Variants in FBXL19 observed in about 807,000 individuals in gnomAD.
The protein encoded by FBXL19 is F-box and leucine rich repeat protein 19, also known as F-box/LRR-repeat protein 19.
In FBXL19, 16 loss-of-function variants were observed where a neutral mutation model predicts 71.2. The ratio of observed to expected loss-of-function variants is 0.22; its 90% CI spans 0.15 to 0.34. FBXL19 has a LOEUF of 0.34. Ranked by LOEUF, FBXL19 falls within the 10% of genes least tolerant of loss-of-function variation. The pLI, the probability that FBXL19 is intolerant of heterozygous loss-of-function variation, is 1.00. For synonymous variants in FBXL19, 447 were observed against 409.4 expected, an observed-to-expected ratio of 1.09 and a Z score of -1.11; for missense variants, 658 against 968.2, an observed-to-expected ratio of 0.68 and a Z score of 4.25.
At chr16:30,939,621 T>G (rs908008811) in intron 7 of FBXL19, among the ~76,000 whole-genome samples, 17 of 151,644 alleles carry the variant, frequency 1.1e-4, no homozygotes, top group African/African-American at 3.9e-4. Flanking sequence ...GGTTTCACTG[T>G]GTTAGCCTGG....
intron 7 of FBXL19, among the ~76,000 whole-genome samples, chr16:30,935,449 G>C (rs139584712): frequency 1.3e-5 from 2 of 152,210 alleles, no homozygotes; most frequent in African/African-American, 4.8e-5. Context: ...AGAGTGAAGA[G>C]TGAAGAGTGG....
intron 7 of FBXL19, among the ~76,000 whole-genome samples, chr16:30,934,241 G>A (rs1226682501): frequency 1.3e-5 from 2 of 151,912 alleles, no homozygotes; most frequent in South Asian, 4.2e-4. Flanking sequence ...GCATACATCT[G>A]TAGTTCAGCT....
intron 5 of FBXL19, 125 bp downstream of exon 5, chr16:30,928,088 A>G: frequency 1.8e-6 from 1 of 551,656 alleles, no homozygotes. Flanking sequence ...GACTGTTGGG[A>G]GATGTAGTTC....
chr16:30,935,649 A>T (rs1463984116), intron 7 of FBXL19, among the ~76,000 whole-genome samples: 1 of 152,038 alleles, frequency 6.6e-6, no homozygotes, highest in Non-Finnish European at 1.5e-5. Context: ...GAGCTACAAG[A>T]GGTCGGAACT....
chr16:30,925,853 C>T lies in FBXL19; in HGVS notation c.99C>T (p.Cys33=), dbSNP rs756627519. 23 of 1,508,548 alleles carry T rather than the reference C, an allele frequency of 1.5e-5. No individual in the cohort carries two copies. Among genetic ancestry groups the T allele is most frequent in the Admixed American group, 2.4e-5 (1 of 41,384 alleles). 93.4% of individuals were successfully genotyped at this position (1,508,548 alleles called of 1,614,324 possible). The change falls in exon 2 of 11, where the codon TGC becomes TGT. Residue 33 remains cysteine (C), a synonymous_variant. Coordinates refer to ENST00000338343, the MANE Select transcript of FBXL19 (RefSeq NM_001382779.1). This position sits in a 1 kb window ranked among gnomAD's most constrained non-coding sequence, Gnocchi z 5.0. ...RACVRTECGD[C]HFCRDMKKFG... Reference sequence around the variant, plus strand: ...GTGTGCGAACTGAGTGCGGGGATTGCCACTTCTGCCGAGACATGAAGAAGT... The same window carrying T: ...GTGTGCGAACTGAGTGCGGGGATTGTCACTTCTGCCGAGACATGAAGAAGT...
chr16:30,942,371 G>C lies in FBXL19; in HGVS notation c.1466-4G>C. On this transcript the variant is annotated splice_polypyrimidine_tract_variant and splice_region_variant and intron_variant, in intron 8 of 10. Coordinates refer to ENST00000338343, the MANE Select transcript of FBXL19 (RefSeq NM_001382779.1). This position sits in a 1 kb window ranked among gnomAD's most constrained non-coding sequence, Gnocchi z 5.7. ...CCTGCTTCCTGACTGCCCCCTCTCC[G>C]CAGGCCTGCAGGAGCTGGTGCTCTC... The C allele has an allele frequency of 1.0e-5, 16 of 1,607,846 alleles. No homozygotes were observed. Among genetic ancestry groups the C allele is most frequent in the Non-Finnish European group, 1.4e-5 (16 of 1,177,064 alleles).
rs940215960 is a variant in FBXL19 at position 30,925,132 on chromosome 16, C to G, written c.-24-599C>G. Among the ~76,000 whole-genome samples the G allele has an allele frequency of 1.3e-5, 2 of 151,564 alleles. No individual in the cohort carries two copies. The highest frequency in any genetic ancestry group is 3.4e-3 in the Middle Eastern group (1 of 294). On this transcript the variant is annotated intron_variant, in intron 1 of 10. Transcript: ENST00000338343. This position sits in a 1 kb window ranked among gnomAD's most constrained non-coding sequence, Gnocchi z 5.0. ...TGGGGAGTTAGTGGGCAGAGGAGAT[C>G]GTTAGGGACTTGGGGGCAAGGATCT...
Position 30,927,891 on chromosome 16 carries a change from G to T in FBXL19, c.555G>T (p.Pro185=). 6.5e-7 allele frequency: 1 copy of T among 1,534,726 alleles called. No homozygotes were observed. Among genetic ancestry groups the T allele is most frequent in the East Asian group, 2.4e-5 (1 of 41,648 alleles). ...RKGPLPAGPP[P]EDVPGPPKRK... The stretch of plus-strand genomic sequence containing the variant: ...GCCCCCTGCCTGCCGGGCCCCCCCC[G>T]GAGGACGTGCCTGGGCCCCCCAAAC... Residue 185 remains proline, a synonymous_variant, in exon 5 of 11, where the codon CCG becomes CCT. Coordinates refer to ENST00000338343, the MANE Select transcript of FBXL19 (RefSeq NM_001382779.1).
Position 30,928,456 on chromosome 16 carries a change from C to A in FBXL19, c.628-11C>A. 1 of 1,561,206 alleles carries A rather than the reference C, an allele frequency of 6.4e-7. No homozygotes were observed. The highest frequency in any genetic ancestry group is 8.7e-7 in the Non-Finnish European group (1 of 1,153,068). ...TCTCCCTTCCTCCATATCTCCCTCT[C>A]ACCCTGGTAGGTGAAAGGAGGCCGA... On this transcript the variant is annotated splice_polypyrimidine_tract_variant and intron_variant, in intron 5 of 10. Coordinates refer to ENST00000338343, the MANE Select transcript of FBXL19 (RefSeq NM_001382779.1).
chr16:30,933,504 C>T (rs1002111976), intron 7 of FBXL19, among the ~76,000 whole-genome samples: 1 of 151,644 alleles, frequency 6.6e-6, no homozygotes, highest in South Asian at 2.1e-4. Context: ...GGCTGGAGTA[C>T]AGTGGTGCAG....
chr16:30,934,143 T>A (rs1343304824), intron 7 of FBXL19, among the ~76,000 whole-genome samples: 1 of 151,548 alleles, frequency 6.6e-6, no homozygotes, highest in Non-Finnish European at 1.5e-5. Flanking sequence ...GACGGGCGGA[T>A]CACTTGTCAG....
Position 30,946,197 on chromosome 16 carries a change from T to A in FBXL19, c.1628-533T>A, listed in dbSNP as rs989732802. 1.3e-5 allele frequency among the ~76,000 whole-genome samples: 2 copies of A among 151,922 alleles called. No homozygotes were observed. The highest frequency in any genetic ancestry group is 2.9e-5 in the Non-Finnish European group (2 of 67,980). On this transcript the variant is annotated intron_variant, in intron 9 of 10. Coordinates refer to ENST00000338343, the MANE Select transcript of FBXL19 (RefSeq NM_001382779.1). This position sits in a 1 kb window ranked among gnomAD's most constrained non-coding sequence, Gnocchi z 6.7. Reference sequence around the variant, plus strand: ...AGAGAGGAGGGGAGGTCACAGACTCTTTTATTTATTTATTTATTTATTTTG... The same window carrying A: ...AGAGAGGAGGGGAGGTCACAGACTCATTTATTTATTTATTTATTTATTTTG...
rs1242523322 is a variant in FBXL19, at chr16:30,930,387, A to C, written c.1104A>C (p.Pro368=). Residue 368 remains proline (P), a synonymous_variant, in exon 7 of 11, where the codon CCA becomes CCC. Transcript: ENST00000338343. This position sits in a 1 kb window ranked among gnomAD's most constrained non-coding sequence, Gnocchi z 8.5. The stretch of plus-strand genomic sequence containing the variant: ...CCCTACTCAGCTGGCCCCTGGGCCC[A>C]GCCCCACCACCCCGGCCTCCACAGC... ...GGPLLSWPLG[P]APPPRPPQLE... The C allele has an allele frequency of 1.3e-6, 2 of 1,539,444 alleles. No homozygotes were observed. Among genetic ancestry groups the C allele is most frequent in the African/African-American group, 2.7e-5 (2 of 73,192 alleles).
intron 7 of FBXL19, among the ~76,000 whole-genome samples, chr16:30,934,818 T>C (rs1480201901): frequency 6.6e-6 from 1 of 152,174 alleles, no homozygotes; most frequent in Non-Finnish European, 1.5e-5. Context: ...CTCAGATGAC[T>C]GACGTGTGTG....
At chr16:30,928,945 C>T (rs2143320847) in intron 6 of FBXL19, among the ~76,000 whole-genome samples, 1 of 152,358 alleles carries the variant, frequency 6.6e-6, no homozygotes, top group East Asian at 1.9e-4. Context: ...GCTTGTCAGC[C>T]ACCCTGAGCC....
chr16:30,947,228 T>C lies in FBXL19; in HGVS notation c.2023T>C (p.Ter675GlnextTer36). The C allele has an allele frequency of 6.3e-7, 1 of 1,578,760 alleles. No individual in the cohort carries two copies. Among genetic ancestry groups the C allele is most frequent in the Non-Finnish European group, 8.6e-7 (1 of 1,167,422 alleles). Residue 675 changes from the stop codon to glutamine (Q), a stop_lost, in exon 11 of 11, where the codon TAG (stop) becomes CAG (glutamine). Transcript: ENST00000338343. ...PEEKLLLKDS[*>Q] ...GGAGAAGCTGCTTCTCAAGGACAGC[T>C]AGTTGGGCGCCCCCCACCCTCCCCC...
In FBXL19 at chr16:30,942,101, C is replaced by A. The variant is rs1262799616; in HGVS notation, c.1302-15C>A. On this transcript the variant is annotated splice_polypyrimidine_tract_variant and intron_variant, in intron 7 of 10. Coordinates refer to ENST00000338343, the MANE Select transcript of FBXL19 (RefSeq NM_001382779.1). This position sits in a 1 kb window ranked among gnomAD's most constrained non-coding sequence, Gnocchi z 5.7. Reference sequence around the variant, plus strand: ...CTGAGGGCTGAGGTCTCTGTCTCCCCCCTATGGCCGCCAGGTGCTATGACA... The same window carrying A: ...CTGAGGGCTGAGGTCTCTGTCTCCCACCTATGGCCGCCAGGTGCTATGACA... The A allele has an allele frequency of 6.4e-6, 10 of 1,554,332 alleles. No homozygotes were observed. Among genetic ancestry groups the A allele is most frequent in the South Asian group, 2.4e-5 (2 of 83,368 alleles).
At position 30,927,382 on chromosome 16, in the gene FBXL19, A is replaced by G; in HGVS notation, c.252A>G (p.Glu84=). The change falls in exon 3 of 11, where the codon GAA becomes GAG. Residue 84 remains glutamate, a synonymous_variant. Coordinates refer to ENST00000338343, the MANE Select transcript of FBXL19 (RefSeq NM_001382779.1). ...AGKEDTVEGE[E]EKFGLSLMEC... Reference sequence around the variant, plus strand: ...AGGAGGACACGGTGGAGGGAGAGGAAGAGAAATTTGGTTTGAGCCTCATGG... The same window carrying G: ...AGGAGGACACGGTGGAGGGAGAGGAGGAGAAATTTGGTTTGAGCCTCATGG... 2 of 1,593,638 alleles carry G rather than the reference A, an allele frequency of 1.3e-6. No individual in the cohort carries two copies. The highest frequency in any genetic ancestry group is 1.7e-6 in the Non-Finnish European group (2 of 1,169,936).
chr16:30,929,646 C>T (rs1160133924), intron 6 of FBXL19, among the ~76,000 whole-genome samples: 3 of 152,192 alleles, frequency 2.0e-5, no homozygotes, highest in African/African-American at 7.2e-5. Flanking sequence ...GAAACCTCCA[C>T]CTCCCAGGTT....
Sources: gnomAD v4.1 joint callset for allele counts (sites outside exome capture counted in the v4.1 genomes callset) on GRCh38, gnomAD v4.1.1 for gene constraint, Gnocchi (gnomAD v3.1) non-coding constraint, MANE v1.5 for transcripts, NCBI Gene and HGNC (gene_info 2026-07-23, HGNC 2026-07-21) for gene names.